RAPGEF2: variants seen among roughly 807,000 people sequenced by gnomAD.
The protein encoded by RAPGEF2 is Rap guanine nucleotide exchange factor 2, also known as PDZ domain containing guanine nucleotide exchange factor (GEF) 1.
RAPGEF2 carries 54 observed loss-of-function variants against 186.7 expected under a neutral mutation model. The ratio of observed to expected loss-of-function variants is 0.29; its 90% CI spans 0.23 to 0.36. The LOEUF (loss-of-function observed/expected upper bound fraction) is 0.36. Among genes scored for constraint, RAPGEF2 ranks in the 10% least tolerant of loss-of-function variants. The pLI is 1.00. For synonymous variants in RAPGEF2, 712 were observed against 705.9 expected, an observed-to-expected ratio of 1.01 and a Z score of -0.14; for missense variants, 1,532 against 2,045.0, an observed-to-expected ratio of 0.75 and a Z score of 4.84.
rs1311898016 is a variant in RAPGEF2, at chr4:159,104,201, G to A, written c.39G>A (p.Val13=). ...TAGATAACAGCTTCCGCCAGGCGGT[G>A]ATGAAGAATCCCCCCGAAAGGACCC... ...SYVDNSFRQA[V]MKNPPERTPQ... The change falls in exon 1 of 30, where the codon GTG becomes GTA. Residue 13 remains valine, a synonymous_variant. Coordinates refer to ENST00000691494, the MANE Select transcript of RAPGEF2 (RefSeq NM_001394067.2). 1.3e-6 allele frequency: 2 copies of A among 1,519,056 alleles called. No homozygotes were observed. The highest frequency in any genetic ancestry group is 8.8e-7 in the Non-Finnish European group (1 of 1,137,260). The allele number at this position is 1,519,056 out of a possible 1,614,324, so 94.1% of individuals were successfully genotyped here.
Position 159,331,499 on chromosome 4 carries a change from T to C in RAPGEF2, c.1536T>C (p.Thr512=), listed in dbSNP as rs765648275. 6.2e-7 allele frequency: 1 copy of C among 1,613,628 alleles called. No individual in the cohort carries two copies. Among genetic ancestry groups the C allele is most frequent in the East Asian group, 2.2e-5 (1 of 44,858 alleles). The change falls in exon 14 of 30, where the codon ACT becomes ACC. Residue 512 remains threonine (T), a synonymous_variant. Coordinates refer to ENST00000691494, the MANE Select transcript of RAPGEF2 (RefSeq NM_001394067.2). ...ACTTTGAAGGAGATCCTGCAATGACTCGATTTTTAGAAGAATTTGAAAACA... is the reference window on the plus strand; with the variant it reads ...ACTTTGAAGGAGATCCTGCAATGACCCGATTTTTAGAAGAATTTGAAAACA... ...FNDFEGDPAM[T]RFLEEFENNL...
chr4:159,247,349 C>G (rs1423332775), intron 7 of RAPGEF2, among the ~76,000 whole-genome samples: 1 of 152,174 alleles, frequency 6.6e-6, no homozygotes, highest in Non-Finnish European at 1.5e-5. Flanking sequence ...AAATGGTACA[C>G]ACCCAGGGCC....
chr4:159,308,583 T>C (rs1763583707), intron 8 of RAPGEF2, among the ~76,000 whole-genome samples: 1 of 152,182 alleles, frequency 6.6e-6, no homozygotes, highest in African/African-American at 2.4e-5. Context: ...AGTTCTGATT[T>C]CAGAGGTCTC....
chr4:159,313,820 A>G (rs1319981499), intron 8 of RAPGEF2, among the ~76,000 whole-genome samples: 1 of 152,232 alleles, frequency 6.6e-6, no homozygotes, highest in Non-Finnish European at 1.5e-5. Context: ...ATATATACAT[A>G]CATATTGCTG....
intron 1 of RAPGEF2, among the ~76,000 whole-genome samples, chr4:159,120,572 C>T (rs1240404524): frequency 6.6e-6 from 1 of 152,164 alleles, no homozygotes; most frequent in African/African-American, 2.4e-5. Context: ...ACATAAACTG[C>T]TCTTAATGTT....
Position 159,128,399 on chromosome 4 carries a change from T to G in RAPGEF2, c.69+24168T>G, listed in dbSNP as rs1044759713. On this transcript the variant is annotated intron_variant, in intron 1 of 29. Coordinates refer to ENST00000691494, the MANE Select transcript of RAPGEF2 (RefSeq NM_001394067.2). ...TTCAGGGTTACGTAAGTTTAATATA[T>G]GAGAAAGTACTTCGCAATGGAAAAG... Among the ~76,000 whole-genome samples the G allele has an allele frequency of 7.2e-5, 11 of 152,222 alleles. 1 individual carries two copies. In the South Asian group the frequency reaches 2.1e-3, roughly 29 times the overall value.
At position 159,352,699 on chromosome 4, in the gene RAPGEF2, C is replaced by T. The variant is rs1731370967; in HGVS notation, c.3880C>T (p.Pro1294Ser). 1 of 1,613,708 alleles carries T rather than the reference C, an allele frequency of 6.2e-7. No individual in the cohort carries two copies. The change falls in exon 27 of 30, where the codon CCC (proline) becomes TCC (serine). Residue 1294 changes from proline to serine, a missense_variant. Around this residue, in one of 4 missense-constraint regions of RAPGEF2, gnomAD observed 594 missense variants for 608.5 expected, o/e 0.98. Transcript: ENST00000691494. ...SSPRKGYTLA[P>S]SGTVDNFSDS... ...TTCTCATGCAGGCTATACTTTGGCT[C>T]CCAGTGGTACTGTGGATAATTTTTC... is the stretch of plus-strand genomic sequence containing the variant.
intron 7 of RAPGEF2, among the ~76,000 whole-genome samples, chr4:159,270,308 C>G (rs577505840): frequency 6.6e-6 from 1 of 152,294 alleles, no homozygotes; most frequent in East Asian, 1.9e-4. Flanking sequence ...AATAGTTACT[C>G]AGGCTCTCAA....
At chr4:159,313,087 G>T (rs1258592595) in intron 8 of RAPGEF2, among the ~76,000 whole-genome samples, 2 of 152,184 alleles carry the variant, frequency 1.3e-5, no homozygotes, top group Non-Finnish European at 2.9e-5. Context: ...GGCAGAGGTT[G>T]CAGTGAGCCG....
At chr4:159,332,729 T>C (rs1766859551) in intron 17 of RAPGEF2, 32 bp downstream of exon 17, 1 of 1,599,498 alleles carries the variant, frequency 6.3e-7, no homozygotes, top group African/African-American at 1.3e-5. Context: ...CTGTGCATTA[T>C]TTTATTTTGT....
intron 24 of RAPGEF2, among the ~76,000 whole-genome samples, chr4:159,345,751 C>T (rs1000895805): frequency 3.3e-5 from 5 of 152,176 alleles, no homozygotes; most frequent in Non-Finnish European, 7.3e-5. Context: ...CCAGACAACA[C>T]CGAACAACAA....
chr4:159,255,571 C>T (rs1756062748), intron 7 of RAPGEF2, among the ~76,000 whole-genome samples: 1 of 152,080 alleles, frequency 6.6e-6, no homozygotes, highest in African/African-American at 2.4e-5. Flanking sequence ...GGAAAGGCAC[C>T]AGAAATGTTG....
At chr4:159,327,694 C>G (rs1359518522) in intron 11 of RAPGEF2, 2 of 151,156 alleles carry the variant, frequency 1.3e-5, no homozygotes, top group African/African-American at 4.9e-5. Flanking sequence ...CTGACTTCAT[C>G]ATATTAGTTA....
In RAPGEF2 at chr4:159,332,468, A is replaced by T. The variant is rs376346906; in HGVS notation, c.1906A>T (p.Thr636Ser). The T allele has an allele frequency of 1.1e-5, 17 of 1,612,510 alleles. No homozygotes were observed. Among genetic ancestry groups the T allele is most frequent in the African/African-American group, 6.7e-5 (5 of 74,764 alleles). Residue 636 changes from threonine (T) to serine (S), a missense_variant, in exon 17 of 30, where the codon ACA becomes TCA. Around this residue, in one of 4 missense-constraint regions of RAPGEF2, gnomAD observed 810 missense variants for 1,210.5 expected, o/e 0.67. Transcript: ENST00000691494. ...TATTTTAGTATTTAAAGAACTTCTA[A>T]CAAGATTGTCAGAAGAGAAAAGAAA... The part of the protein sequence containing the change: ...TNLFVFKELL[T>S]RLSEEKRNGA...
chr4:159,332,250 T>A lies in RAPGEF2; in HGVS notation c.1889-201T>A, dbSNP rs568086647. On this transcript the variant is annotated intron_variant, in intron 16 of 29. Coordinates refer to ENST00000691494, the MANE Select transcript of RAPGEF2 (RefSeq NM_001394067.2). ...ACCGTAAAGAGTATACTACTCTTTT[T>A]AAACTTATTTTGATAGAGCAACATA... is the stretch of plus-strand genomic sequence containing the variant. Among the ~76,000 whole-genome samples the A allele has an allele frequency of 4.6e-5, 7 of 152,216 alleles. No homozygotes were observed. In the East Asian group the frequency reaches 1.4e-3, roughly 29 times the overall value.
chr4:159,242,841 A>T (rs751912881), intron 6 of RAPGEF2, among the ~76,000 whole-genome samples: 14 of 152,010 alleles, frequency 9.2e-5, no homozygotes, highest in Non-Finnish European at 1.6e-4. Flanking sequence ...AATATTGCTA[A>T]TTTTTTTCTG....
At chr4:159,115,169 T>C (rs1024817753) in intron 1 of RAPGEF2, among the ~76,000 whole-genome samples, 2 of 152,120 alleles carry the variant, frequency 1.3e-5, no homozygotes, top group African/African-American at 4.8e-5. Context: ...TACTGGAGAA[T>C]GAATGCTGTT....
chr4:159,356,300 C>A, intron 29 of RAPGEF2, 142 bp downstream of exon 29: 1 of 899,286 alleles, frequency 1.1e-6, no homozygotes, highest in Non-Finnish European at 1.6e-6. Context: ...TTCAGAGTTC[C>A]AAATTTAGGG....
intron 4 of RAPGEF2, among the ~76,000 whole-genome samples, chr4:159,217,372 G>A (rs1579491648): frequency 6.6e-6 from 1 of 152,222 alleles, no homozygotes; most frequent in Non-Finnish European, 1.5e-5. Context: ...CCATGTTTAT[G>A]TCCATGAGTA....
Sources: gnomAD v4.1 joint callset for allele counts (sites outside exome capture counted in the v4.1 genomes callset) on GRCh38, gnomAD v4.1.1 for gene constraint, gnomAD v4.1.1 regional missense constraint, MANE v1.5 for transcripts, NCBI Gene and HGNC (gene_info 2026-07-23, HGNC 2026-07-21) for gene names.